The following TG variants were observed in gnomAD, a reference collection of about 807,000 sequenced individuals.
TG encodes the protein thyroid hormones.
A neutral mutation model predicts 324.7 loss-of-function variants in TG; 270 were observed. The observed-to-expected ratio is 0.83, with a 90% CI of 0.75 to 0.92. The LOEUF (loss-of-function observed/expected upper bound fraction) is 0.92, where lower values mean the gene tolerates loss of function less well. Among genes scored for constraint, TG ranks in the 40% least tolerant of loss-of-function variants. TG has a pLI of 0.00. For missense variants in TG, 3,591 were observed against 3,456.4 expected (o/e 1.04, Z -0.98); for synonymous variants, 1,401 against 1,327.0 (o/e 1.06, Z -1.21).
chr8:133,041,618 G>C (rs1399806094), intron 41 of TG, among the ~76,000 whole-genome samples: 1 of 152,118 alleles, frequency 6.6e-6, no homozygotes, highest in African/African-American at 2.4e-5. Flanking sequence ...GCACAGGCAG[G>C]GGACACTCCG....
rs1563886777 is a variant in TG at position 132,871,330 on chromosome 8, T to C, written c.275-18T>C. On this transcript the variant is annotated intron_variant, in intron 3 of 47. Coordinates refer to ENST00000220616, the MANE Select transcript of TG (RefSeq NM_003235.5). ...ATTTCCCTGCAGTTCTATCTAACAT[T>C]GCTCCTTGTACCCACAGGTCTGTCA... 1 of 1,613,886 alleles carries C rather than the reference T, an allele frequency of 6.2e-7. No individual in the cohort carries two copies. Among genetic ancestry groups the C allele is most frequent in the Non-Finnish European group, 8.5e-7 (1 of 1,179,742 alleles).
intron 45 of TG, among the ~76,000 whole-genome samples, chr8:133,125,733 C>T (rs1851467792): frequency 6.6e-6 from 1 of 152,028 alleles, no homozygotes; most frequent in Non-Finnish European, 1.5e-5. Context: ...AGGCTGAGTG[C>T]GCGCTAGGAC....
rs1564079377 is a variant in TG, at chr8:133,019,678, T to A, written c.6859T>A (p.Phe2287Ile). ...VSEDCLYLNVFIPQNVAPNAS... is the reference protein window; with the variant it reads ...VSEDCLYLNVIIPQNVAPNAS... ...TGAAGATTGTTTGTATCTCAATGTG[T>A]TCATCCCTCAGAATGTGGTGAGTTC... Residue 2287 changes from phenylalanine (F) to isoleucine (I), a missense_variant, in exon 39 of 48, where the codon TTC becomes ATC. Coordinates refer to ENST00000220616, the MANE Select transcript of TG (RefSeq NM_003235.5). The A allele has an allele frequency of 3.1e-6, 5 of 1,613,278 alleles. No homozygotes were observed. Among genetic ancestry groups the A allele is most frequent in the Non-Finnish European group, 4.2e-6 (5 of 1,179,472 alleles).
At chr8:133,132,175 AT>A (rs1851993902) in intron 46 of TG, among the ~76,000 whole-genome samples, 2 of 152,206 alleles carry the variant, frequency 1.3e-5, no homozygotes, top group African/African-American at 4.8e-5. Flanking sequence ...GCTGCATTTG[AT>A]GACTCTAGAT....
chr8:133,120,629 C>T (rs992962845), intron 45 of TG, among the ~76,000 whole-genome samples: 5 of 152,164 alleles, frequency 3.3e-5, no homozygotes, highest in African/African-American at 7.2e-5. Flanking sequence ...CGTCTTTCTT[C>T]GTGCACGTCA....
At chr8:132,994,575 C>T in intron 35 of TG, 1 of 678,200 alleles carries the variant, frequency 1.5e-6, no homozygotes, top group Non-Finnish European at 2.1e-6. Context: ...TTACAAGTGG[C>T]TAGTGCTACA....
intron 5 of TG, among the ~76,000 whole-genome samples, chr8:132,874,715 A>G (rs1262860304): frequency 6.6e-6 from 1 of 152,214 alleles, no homozygotes; most frequent in Non-Finnish European, 1.5e-5. Context: ...ACCCCATGAA[A>G]TTTCTATTTT....
chr8:132,898,051 G>C (rs977381126), intron 12 of TG, 118 bp from the exon 13 acceptor site: 3 of 1,061,490 alleles, frequency 2.8e-6, no homozygotes, highest in Non-Finnish European at 4.3e-6. Context: ...TCTAGACTGG[G>C]GACAGAAGGC....
intron 41 of TG, among the ~76,000 whole-genome samples, chr8:133,070,010 AAAAAAAAAAAAAAAAAG>A: frequency 8.4e-6 from 1 of 118,554 alleles, no homozygotes; most frequent in Non-Finnish European, 1.9e-5. Flanking sequence ...CCAAAAAAAA[AAAAAAAAAAAAAAAAAG>A]AAAGAAAGAA....
chr8:133,029,710 G>A, intron 40 of TG, 111 bp from the exon 41 acceptor site: 3 of 1,327,038 alleles, frequency 2.3e-6, no homozygotes, highest in Non-Finnish European at 3.2e-6. Flanking sequence ...GAGGACAAGA[G>A]CCCAGAGCCC....
At chr8:132,906,231 AGAG>A (rs1818658791) in intron 16 of TG, among the ~76,000 whole-genome samples, 1 of 152,096 alleles carries the variant, frequency 6.6e-6, no homozygotes, top group Non-Finnish European at 1.5e-5. Flanking sequence ...TGACCAAGAC[AGAG>A]GAGATGAACC....
intron 43 of TG, among the ~76,000 whole-genome samples, chr8:133,103,610 T>A (rs1849531401): frequency 6.6e-6 from 1 of 152,252 alleles, no homozygotes; most frequent in Non-Finnish European, 1.5e-5. Context: ...TATTTTTTCT[T>A]CTGATTTTAA....
chr8:132,878,876 C>T (rs1264416764), intron 5 of TG, among the ~76,000 whole-genome samples: 1 of 152,192 alleles, frequency 6.6e-6, no homozygotes, highest in Non-Finnish European at 1.5e-5. Context: ...CTCAAACTCA[C>T]CTCCTTTGGG....
At chr8:132,966,868 G>GT (rs1264402597) in intron 30 of TG, among the ~76,000 whole-genome samples, 171 bp downstream of exon 30, 1 of 152,130 alleles carries the variant, frequency 6.6e-6, no homozygotes, top group East Asian at 1.9e-4. Flanking sequence ...CTTCAAGAAG[G>GT]TTACAGTGTA....
In TG at chr8:132,901,502, G is replaced by A. The variant is rs138469414; in HGVS notation, c.3583G>A (p.Gly1195Arg). Residue 1195 changes from glycine (G) to arginine (R), a missense_variant, in exon 16 of 48, where the codon GGA (glycine) becomes AGA (arginine). By Grantham distance (125) the Gly-to-Arg change is moderately radical. Coordinates refer to ENST00000220616, the MANE Select transcript of TG (RefSeq NM_003235.5). Reference protein sequence around the residue: ...QGSCWCVMDSGEEVPGTRVTG... With the variant: ...QGSCWCVMDSREEVPGTRVTG... Reference sequence around the variant, plus strand: ...CAGCTGCTGGTGTGTCATGGACAGCGGAGAAGAGGTGCCTGGGACGCGCGT... The same window carrying A: ...CAGCTGCTGGTGTGTCATGGACAGCAGAGAAGAGGTGCCTGGGACGCGCGT... The A allele has an allele frequency of 2.2e-3, 3,594 of 1,614,082 alleles. 11 individuals carry two copies. Among genetic ancestry groups the A allele is most frequent in the Non-Finnish European group, 2.3e-3 (2,705 of 1,180,040 alleles).
At position 133,095,212 on chromosome 8, in the gene TG, A is replaced by T; in HGVS notation, c.7404+4A>T. 3 of 1,614,226 alleles carry T rather than the reference A, an allele frequency of 1.9e-6. 1 individual carries two copies. The South Asian group carries it at 3.3e-5, about 18-fold the overall frequency. On this transcript the variant is annotated splice_donor_region_variant and intron_variant, in intron 42 of 47. Coordinates refer to ENST00000220616, the MANE Select transcript of TG (RefSeq NM_003235.5). ...CCTCAATGATGCCCAGACCAAGGTGAGCACTTAAGTGCAAGTTGGGAAGGG... is the reference window on the plus strand; with the variant it reads ...CCTCAATGATGCCCAGACCAAGGTGTGCACTTAAGTGCAAGTTGGGAAGGG...
Position 133,017,830 on chromosome 8 carries a change from C to T in TG, c.6615C>T (p.Thr2205=). The T allele has an allele frequency of 6.2e-7, 1 of 1,614,174 alleles. No individual in the cohort carries two copies. The highest frequency in any genetic ancestry group is 1.6e-4 in the Middle Eastern group (1 of 6,062). The change falls in exon 38 of 48, where the codon ACC becomes ACT. Residue 2205 remains threonine, a synonymous_variant. Coordinates refer to ENST00000220616, the MANE Select transcript of TG (RefSeq NM_003235.5). ...CTGTACCTTCTGTGCCCATTTCCAC[C>T]CATGGCCGGCTGCTGGGCAGGTCCC... The part of the protein sequence containing the change: ...EASVPSVPIS[T]HGRLLGRSQA...
intron 35 of TG, among the ~76,000 whole-genome samples, chr8:132,997,206 C>T (rs924184825): frequency 2.0e-5 from 3 of 152,128 alleles, no homozygotes; most frequent in Non-Finnish European, 4.4e-5. Context: ...GTTGGGCAGC[C>T]CCATGGCTGG....
intron 35 of TG, chr8:132,994,832 G>T: frequency 7.8e-7 from 1 of 1,280,450 alleles, no homozygotes; most frequent in Non-Finnish European, 1.0e-6. Flanking sequence ...GAGAGAAGGG[G>T]CTGGGTCAGA....
Sources: allele counts gnomAD v4.1 joint callset (sites outside exome capture counted in the v4.1 genomes callset), GRCh38; gene constraint gnomAD v4.1.1; transcripts MANE v1.5; gene names NCBI Gene and HGNC (gene_info 2026-07-23, HGNC 2026-07-21).